The following PAX8 variants were observed in gnomAD, a reference collection of about 807,000 sequenced individuals.
The protein encoded by PAX8 is paired box 8, also known as paired box protein Pax-8.
A neutral mutation model predicts 52.4 loss-of-function variants in PAX8; 15 were observed. The ratio of observed to expected loss-of-function variants is 0.29; its 90% confidence interval spans 0.19 to 0.44. The LOEUF is 0.44. Among genes scored for constraint, PAX8 ranks in the 20% least tolerant of loss-of-function variants. The pLI is 1.00. For synonymous variants in PAX8, 284 were observed against 249.7 expected (o/e 1.14, Z -1.29); for missense variants, 554 against 602.5 (o/e 0.92, Z 0.84).
intron 2 of PAX8, among the ~76,000 whole-genome samples, chr2:113,263,885 A>G (rs1692867603): frequency 6.6e-6 from 1 of 152,196 alleles, no homozygotes; most frequent in African/African-American, 2.4e-5. Flanking sequence ...GGAGGTTTTG[A>G]TATAGACCAC....
chr2:113,255,182 C>G (rs113287802), intron 2 of PAX8, among the ~76,000 whole-genome samples: 1,211 of 92,612 alleles, frequency 0.013, 1 homozygote, highest in South Asian at 0.032. Context: ...GAAGGAGGGA[C>G]AGAGGAATAG....
At chr2:113,241,459 C>T in intron 7 of PAX8, 92 bp downstream of exon 7, 6 of 1,310,430 alleles carry the variant, frequency 4.6e-6, no homozygotes, top group Non-Finnish European at 6.4e-6. Flanking sequence ...ATGCAACTTC[C>T]AGCTGCTTTG....
Position 113,242,722 on chromosome 2 carries a change from G to C in PAX8, c.446C>G (p.Ala149Gly), listed in dbSNP as rs778396964. The change falls in exon 5 of 12, where the codon GCC becomes GGC. Residue 149 changes from alanine to glycine, a missense_variant. By Grantham distance (60) the Ala-to-Gly change is moderately conservative. Transcript: ENST00000429538. ...PFNLPMDSCV[A>G]TKSLSPGHTL... ...GTGTCCGGGACTCAGGGACTTGGTG[G>C]CCACGCAGCTGTCCATAGGGAGGTT... 6.2e-7 allele frequency: 1 copy of C among 1,613,854 alleles called. No homozygotes were observed. Among genetic ancestry groups the C allele is most frequent in the Non-Finnish European group, 8.5e-7 (1 of 1,179,772 alleles).
In PAX8 at chr2:113,226,582, C is replaced by T. The variant is rs1419867687; in HGVS notation, c.1189+573G>A. 8 of 1,045,248 alleles carry T rather than the reference C, an allele frequency of 7.7e-6. No homozygotes were observed. The Middle Eastern group carries it at 1.4e-3, about 181-fold the overall frequency. 64.7% of individuals were successfully genotyped at this position (1,045,248 alleles called of 1,614,324 possible). The stretch of plus-strand genomic sequence containing the variant: ...CAGGCTCATTTCATCCTCTATAGTA[C>T]TCTTAGAGTACCTAGAACCCGGGTC... On this transcript the variant is annotated intron_variant, in intron 10 of 11. Transcript: ENST00000429538.
At chr2:113,261,544 A>G (rs936304248) in intron 2 of PAX8, among the ~76,000 whole-genome samples, 1 of 152,218 alleles carries the variant, frequency 6.6e-6, no homozygotes, top group African/African-American at 2.4e-5. Context: ...CTTACAGACT[A>G]TGAAGGTGGA....
chr2:113,251,999 A>G (rs536059268), intron 2 of PAX8, among the ~76,000 whole-genome samples: 3 of 152,328 alleles, frequency 2.0e-5, no homozygotes, highest in African/African-American at 7.2e-5. Flanking sequence ...TGGTTGTTGC[A>G]TGGATTCCCA....
Position 113,235,423 on chromosome 2 carries a change from C to T in PAX8, c.1058G>A (p.Gly353Glu). The change falls in exon 9 of 12, where the codon GGG becomes GAG. Residue 353 changes from glycine to glutamate, a missense_variant. By Grantham distance (98) the Gly-to-Glu change is moderately conservative (BLOSUM62 -2). This residue lies in a region of PAX8 where 445 missense variants were observed against 409.9 expected (regional missense o/e 1.09). Transcript: ENST00000429538. ...GAGGAGGGCCTGGCCCGTGAACTGC[C>T]CGTACACGGAGGCAGCATGGGGAAA... ...NAFPHAASVY[G>E]QFTGQALLSG... 1 of 1,599,828 alleles carries T rather than the reference C, an allele frequency of 6.3e-7. No individual in the cohort carries two copies. The highest frequency in any genetic ancestry group is 1.7e-5 in the Admixed American group (1 of 57,324).
rs200423332 is a variant in PAX8, at chr2:113,242,054, G to A, written c.555C>T (p.Leu185=). The change falls in exon 6 of 12, where the codon CTC becomes CTT. Residue 185 remains leucine, a synonymous_variant. Coordinates refer to ENST00000429538, the MANE Select transcript of PAX8 (RefSeq NM_003466.4). The part of the protein sequence containing the change: ...SLGSTYSING[L]LGIAQPGSDK... ...CGCTGCCAGGCTGAGCGATGCCCAGGAGCCCATTGATGGAGTAGGTGGAGC... is the reference window on the plus strand; with the variant it reads ...CGCTGCCAGGCTGAGCGATGCCCAGAAGCCCATTGATGGAGTAGGTGGAGC... 1.4e-5 allele frequency: 22 copies of A among 1,613,820 alleles called. No individual in the cohort carries two copies. In the Middle Eastern group the frequency reaches 6.6e-4, roughly 48 times the overall value.
intron 10 of PAX8, among the ~76,000 whole-genome samples, chr2:113,222,363 A>G (rs1398851428): frequency 3.3e-5 from 5 of 152,164 alleles, no homozygotes; most frequent in African/African-American, 1.2e-4. Context: ...TCACTCATTC[A>G]TGCATTCACT....
chr2:113,242,414 A>G (rs1208859890), intron 5 of PAX8, among the ~76,000 whole-genome samples: 1 of 152,112 alleles, frequency 6.6e-6, no homozygotes, highest in Non-Finnish European at 1.5e-5. Flanking sequence ...GGAGGGGCTC[A>G]GGTCCTTCCT....
intron 7 of PAX8, chr2:113,238,297 C>T (rs1212564964): frequency 6.6e-6 from 1 of 152,314 alleles, no homozygotes; most frequent in Non-Finnish European, 1.5e-5. Flanking sequence ...GTCTTAAACT[C>T]CTGACCTCAT....
intron 7 of PAX8, chr2:113,238,314 C>G (rs1270889002): frequency 6.6e-6 from 1 of 152,420 alleles, no homozygotes; most frequent in African/African-American, 2.4e-5. Context: ...TCATGATCTG[C>G]CTGGCTTGAC....
In PAX8 at chr2:113,242,103, T is replaced by C; in HGVS notation, c.506A>G (p.Glu169Gly). The C allele has an allele frequency of 6.8e-6, 11 of 1,613,600 alleles. No homozygotes were observed. The highest frequency in any genetic ancestry group is 9.3e-6 in the Non-Finnish European group (11 of 1,179,716). The change falls in exon 6 of 12, where the codon GAG becomes GGG. Residue 169 changes from glutamate (E) to glycine (G), a missense_variant. Glu to Gly is a moderately conservative substitution (Grantham distance 98, BLOSUM62 -2). Around this residue, in one of 2 missense-constraint regions of PAX8, gnomAD observed 445 missense variants for 409.9 expected, o/e 1.09. Coordinates refer to ENST00000429538, the MANE Select transcript of PAX8 (RefSeq NM_003466.4). ...LIPSSAVTPP[E>G]SPQSDSLGST... The stretch of plus-strand genomic sequence containing the variant: ...GCCCAGGGAATCCGACTGGGGTGAC[T>C]CCGGGGGAGTTACAGCTGAGCTGGG...
At chr2:113,228,698 C>T (rs1056679163) in intron 9 of PAX8, among the ~76,000 whole-genome samples, 5 of 152,220 alleles carry the variant, frequency 3.3e-5, no homozygotes, top group African/African-American at 4.8e-5. Context: ...TTGGGGGCTG[C>T]TTTTTCCTCC....
chr2:113,255,164 A>G (rs1692122332), intron 2 of PAX8, among the ~76,000 whole-genome samples: 1 of 140,260 alleles, frequency 7.1e-6, no homozygotes. Flanking sequence ...AAGGAAGAAA[A>G]AAAGAAGGAA....
At chr2:113,257,474 C>T (rs1416197446) in intron 2 of PAX8, among the ~76,000 whole-genome samples, 23 of 152,252 alleles carry the variant, frequency 1.5e-4, no homozygotes, top group Non-Finnish European at 1.9e-4. Flanking sequence ...GTCTTCCAAT[C>T]GAATGTGATA....
At chr2:113,231,355 C>T (rs1170717387) in intron 9 of PAX8, among the ~76,000 whole-genome samples, 2 of 152,190 alleles carry the variant, frequency 1.3e-5, no homozygotes, top group Non-Finnish European at 2.9e-5. Flanking sequence ...TGTTGGGACT[C>T]CAGACTGGGG....
At chr2:113,277,259 G>C (rs2104620705) in intron 2 of PAX8, among the ~76,000 whole-genome samples, 1 of 152,294 alleles carries the variant, frequency 6.6e-6, no homozygotes, top group East Asian at 1.9e-4. Flanking sequence ...AAATCTTCCG[G>C]CGCCCCAGGG....
intron 2 of PAX8, among the ~76,000 whole-genome samples, chr2:113,256,637 T>TGA (rs1692281418): frequency 8.1e-6 from 1 of 124,068 alleles, no homozygotes; most frequent in Non-Finnish European, 1.6e-5. Flanking sequence ...TATATGTGTG[T>TGA]GTGTGTGTGT....
Sources: gnomAD v4.1 joint callset for allele counts (sites outside exome capture counted in the v4.1 genomes callset) on GRCh38, gnomAD v4.1.1 for gene constraint, gnomAD v4.1.1 regional missense constraint, MANE v1.5 for transcripts, NCBI Gene and HGNC (gene_info 2026-07-23, HGNC 2026-07-21) for gene names.